The following C7 variants were observed in gnomAD, a reference collection of about 807,000 sequenced individuals.
C7 encodes complement C7, also known as complement component C7.
C7 carries 83 observed loss-of-function variants against 104.8 expected under a neutral mutation model. The ratio of observed to expected loss-of-function variants is 0.79; its 90% CI spans 0.66 to 0.95. The LOEUF (loss-of-function observed/expected upper bound fraction) is 0.95. C7 is among the 40% of genes least tolerant of loss of function. C7 has a pLI of 0.00. For synonymous variants in C7, 415 were observed against 360.6 expected, an observed-to-expected ratio of 1.15 and a Z score of -1.71; for missense variants, 1,070 against 1,011.2, an observed-to-expected ratio of 1.06 and a Z score of -0.79.
At position 40,933,940 on chromosome 5, in the gene C7, C is replaced by CTTT. The variant is rs200031049; in HGVS notation, c.139-374_139-372dup. 7.3e-3 allele frequency among the ~76,000 whole-genome samples: 1,036 copies of CTTT among 142,680 alleles called. 21 individuals are homozygous for CTTT. The highest frequency in any genetic ancestry group is 0.025 in the African/African-American group (990 of 38,890). The allele number at this position is 142,680 out of a possible 152,430, so 93.6% of individuals were successfully genotyped here. Reference sequence around the variant, plus strand: ...CTCAGGTTACTTTCTTTTTTCTTTTCTTTTTTTTTTTTTGAGACGGTGTCT... The same window carrying CTTT: ...CTCAGGTTACTTTCTTTTTTCTTTTCTTTTTTTTTTTTTTTTGAGACGGTGTCT... On this transcript the variant is annotated intron_variant, in intron 3 of 17. Coordinates refer to ENST00000313164, the MANE Select transcript of C7 (RefSeq NM_000587.4).
chr5:40,928,975 C>A (rs1449919321), intron 2 of C7, among the ~76,000 whole-genome samples: 1 of 152,068 alleles, frequency 6.6e-6, no homozygotes, highest in African/African-American at 2.4e-5. Flanking sequence ...GTAATCCTTG[C>A]AAAGCATCCT....
Position 40,964,734 on chromosome 5 carries a change from T to C in C7, c.1750-7T>C, listed in dbSNP as rs752697668. 6.2e-7 allele frequency: 1 copy of C among 1,610,004 alleles called. No homozygotes were observed. Among genetic ancestry groups the C allele is most frequent in the Non-Finnish European group, 8.5e-7 (1 of 1,177,878 alleles). On this transcript the variant is annotated splice_polypyrimidine_tract_variant and splice_region_variant and intron_variant, in intron 13 of 17. Transcript: ENST00000313164. Reference sequence around the variant, plus strand: ...TCTTTCCTTTTCCATCTTTTACTTTTGTTTAGGATGAAGGTACAATGTTTC... The same window carrying C: ...TCTTTCCTTTTCCATCTTTTACTTTCGTTTAGGATGAAGGTACAATGTTTC...
At chr5:40,929,348 A>G (rs994861874) in intron 2 of C7, among the ~76,000 whole-genome samples, 1 of 152,152 alleles carries the variant, frequency 6.6e-6, no homozygotes, top group Admixed American at 6.5e-5. Flanking sequence ...ATGTTTGGGG[A>G]AGCCCTCTCC....
At chr5:40,944,699 A>C (rs1740009250) in intron 6 of C7, among the ~76,000 whole-genome samples, 1 of 152,322 alleles carries the variant, frequency 6.6e-6, no homozygotes, top group South Asian at 2.1e-4. Context: ...GCAAAGAAAA[A>C]AATGCAATTT....
At chr5:40,953,474 C>T (rs141737152) in intron 9 of C7, among the ~76,000 whole-genome samples, 1 of 152,056 alleles carries the variant, frequency 6.6e-6, no homozygotes, top group South Asian at 2.1e-4. Context: ...AACCCTGTCT[C>T]TACTATAAAT....
intron 10 of C7, among the ~76,000 whole-genome samples, chr5:40,957,695 T>C (rs1471744487): frequency 6.6e-6 from 1 of 151,806 alleles, no homozygotes; most frequent in African/African-American, 2.4e-5. Flanking sequence ...CCTCAGGTGA[T>C]CCCCCCTGCC....
chr5:40,932,764 AGAGATAGAGGGT>A (rs762806871), intron 3 of C7, among the ~76,000 whole-genome samples: 98 of 152,220 alleles, frequency 6.4e-4, no homozygotes, highest in Non-Finnish European at 1.1e-3. Flanking sequence ...ATAGAAGCAG[AGAGATAGAGGGT>A]GTTTTTTATA....
chr5:40,970,129 GTA>G (rs1740667464), intron 14 of C7, among the ~76,000 whole-genome samples: 1 of 152,016 alleles, frequency 6.6e-6, no homozygotes, highest in Admixed American at 6.6e-5. Context: ...GTGGATTTTT[GTA>G]TATATTCATG....
Position 40,975,366 on chromosome 5 carries a change from C to CTTTTTTTTTTTTTTTTTTTTTT in C7, c.2075-1369_2075-1368insTTTTTTTTTTTTTTTTTTTTTT, listed in dbSNP as rs1162765793. Among the ~76,000 whole-genome samples, 4 of 142,012 alleles carry CTTTTTTTTTTTTTTTTTTTTTT rather than the reference C, an allele frequency of 2.8e-5. 2 individuals are homozygous for CTTTTTTTTTTTTTTTTTTTTTT. The highest frequency in any genetic ancestry group is 5.2e-5 in the African/African-American group (2 of 38,656). The allele number at this position is 142,012 out of a possible 152,430, so 93.2% of individuals were successfully genotyped here. On this transcript the variant is annotated intron_variant, in intron 15 of 17. Coordinates refer to ENST00000313164, the MANE Select transcript of C7 (RefSeq NM_000587.4). Reference sequence around the variant, plus strand: ...TAATACCATTTTAAAGAGAAGTGTGCTTTTTTTTTTTTTTTGAGACAAGGT... The same window carrying CTTTTTTTTTTTTTTTTTTTTTT: ...TAATACCATTTTAAAGAGAAGTGTGCTTTTTTTTTTTTTTTTTTTTTTTTTTTTTTTTTTTTTGAGACAAGGT...
At chr5:40,916,635 C>T (rs1739324241) in intron 1 of C7, among the ~76,000 whole-genome samples, 1 of 152,046 alleles carries the variant, frequency 6.6e-6, no homozygotes, top group Admixed American at 6.5e-5. Context: ...ATGGCATCAC[C>T]CAACCCTTAC....
chr5:40,934,540 A>G (rs1739774862), intron 4 of C7, 74 bp downstream of exon 4: 1 of 1,425,496 alleles, frequency 7.0e-7, no homozygotes, highest in South Asian at 1.2e-5. Flanking sequence ...CTCGTTATAT[A>G]TTTGTTAAAT....
In C7 at chr5:40,937,708, G is replaced by T; in HGVS notation, c.567+18G>T. ...CATTCCAGGTACTTACGACGTTATTGATTTCCAATCTGGAATTGTCAGAGA... is the reference window on the plus strand; with the variant it reads ...CATTCCAGGTACTTACGACGTTATTTATTTCCAATCTGGAATTGTCAGAGA... On this transcript the variant is annotated intron_variant, in intron 6 of 17. Coordinates refer to ENST00000313164, the MANE Select transcript of C7 (RefSeq NM_000587.4). 1 of 1,537,530 alleles carries T rather than the reference G, an allele frequency of 6.5e-7. No homozygotes were observed. Among genetic ancestry groups the T allele is most frequent in the Non-Finnish European group, 8.8e-7 (1 of 1,139,936 alleles).
rs1740950596 is a variant in C7 at position 40,981,707 on chromosome 5, A to G, written c.*134A>G. The G allele has an allele frequency of 1.5e-6, 1 of 685,548 alleles. No individual in the cohort carries two copies. Among genetic ancestry groups the G allele is most frequent in the African/African-American group, 1.8e-5 (1 of 55,600 alleles). 42.5% of individuals were successfully genotyped at this position (685,548 alleles called of 1,614,324 possible). ...CTACCTTCCTCCTCAACTCCCAGCC[A>G]TCTGTATAAACACAATCCTTTGTTC... is the stretch of plus-strand genomic sequence containing the variant. On this transcript the variant is annotated 3_prime_UTR_variant, in exon 18 of 18. Coordinates refer to ENST00000313164, the MANE Select transcript of C7 (RefSeq NM_000587.4).
intron 1 of C7, among the ~76,000 whole-genome samples, chr5:40,919,046 A>C (rs1739385884): frequency 6.6e-6 from 1 of 151,366 alleles, no homozygotes; most frequent in Non-Finnish European, 1.5e-5. Context: ...TGCACACAGA[A>C]CTTTCTCCAG....
At chr5:40,939,698 G>C (rs963672229) in intron 6 of C7, among the ~76,000 whole-genome samples, 1 of 152,180 alleles carries the variant, frequency 6.6e-6, no homozygotes, top group Non-Finnish European at 1.5e-5. Context: ...ATAATGTGGA[G>C]ACTTGCATGT....
intron 6 of C7, among the ~76,000 whole-genome samples, chr5:40,941,825 G>T (rs991074559): frequency 6.6e-6 from 1 of 152,182 alleles, no homozygotes; most frequent in African/African-American, 2.4e-5. Flanking sequence ...ATGTCCAAGT[G>T]CTCAGGAGAA....
chr5:40,950,034 T>A lies in C7; in HGVS notation c.1093+20T>A, dbSNP rs1740134403. 7.1e-7 allele frequency: 1 copy of A among 1,400,300 alleles called. No homozygotes were observed. The allele number at this position is 1,400,300 out of a possible 1,614,324, so 86.7% of individuals were successfully genotyped here. On this transcript the variant is annotated intron_variant, in intron 9 of 17. Transcript: ENST00000313164. ...CTTCAGGTAAATGGAAAAAGAGCAG[T>A]TTGCATTGCAAGCTTAACTTCTTTT...
chr5:40,944,848 A>G (rs1438164090), intron 6 of C7, among the ~76,000 whole-genome samples: 1 of 152,226 alleles, frequency 6.6e-6, no homozygotes, highest in Non-Finnish European at 1.5e-5. Context: ...TTAGATGAAA[A>G]ATCAAGAACG....
chr5:40,937,705 A>G lies in C7; in HGVS notation c.567+15A>G, dbSNP rs1739846729. On this transcript the variant is annotated intron_variant, in intron 6 of 17. Transcript: ENST00000313164. The stretch of plus-strand genomic sequence containing the variant: ...ATACATTCCAGGTACTTACGACGTT[A>G]TTGATTTCCAATCTGGAATTGTCAG... The G allele has an allele frequency of 6.5e-7, 1 of 1,542,046 alleles. No homozygotes were observed. Among genetic ancestry groups the G allele is most frequent in the African/African-American group, 1.4e-5 (1 of 72,754 alleles).
Sources: gnomAD v4.1 joint callset for allele counts (sites outside exome capture counted in the v4.1 genomes callset) on GRCh38, gnomAD v4.1.1 for gene constraint, MANE v1.5 for transcripts, NCBI Gene and HGNC (gene_info 2026-07-23, HGNC 2026-07-21) for gene names.